The following KMT2C variants were observed in gnomAD, a reference collection of about 807,000 sequenced individuals.
The protein encoded by KMT2C is histone-lysine N-methyltransferase 2C.
Under a neutral mutation model 507.9 loss-of-function variants are expected in KMT2C, and 88 were observed. That is an observed-to-expected ratio of 0.17 (90% CI 0.15 to 0.21). The LOEUF is 0.21. Among genes scored for constraint, KMT2C ranks in the 10% least tolerant of loss-of-function variants. The pLI, the probability that KMT2C is intolerant of heterozygous loss-of-function variation, is 1.00. For synonymous variants in KMT2C, 2,049 were observed against 2,080.8 expected (o/e 0.98, Z 0.42); for missense variants, 4,954 against 5,957.8 (o/e 0.83, Z 5.55).
At position 152,397,700 on chromosome 7, in the gene KMT2C, T is replaced by A. The variant is rs118001704; in HGVS notation, c.161+37926A>T. Among the ~76,000 whole-genome samples, 1,069 of 152,238 alleles carry A rather than the reference T, an allele frequency of 7.0e-3. 5 individuals are homozygous for A. Among genetic ancestry groups the A allele is most frequent in the Non-Finnish European group, 0.011 (762 of 68,012 alleles). ...GTGGAATGGACACAGTGGGAAAGAATTGAATCATAGGGGTGGTTTCCCCAT... is the reference window on the plus strand; with the variant it reads ...GTGGAATGGACACAGTGGGAAAGAAATGAATCATAGGGGTGGTTTCCCCAT... On this transcript the variant is annotated intron_variant, in intron 1 of 58. Transcript: ENST00000262189.
chr7:152,163,889 G>T, intron 42 of KMT2C, 63 bp from the exon 43 acceptor site: 1 of 1,489,220 alleles, frequency 6.7e-7, no homozygotes, highest in Non-Finnish European at 9.3e-7. Context: ...GTAAAACACT[G>T]GCTGATGACT....
intron 3 of KMT2C, 49 bp downstream of exon 3, chr7:152,330,552 G>C (rs538109105): frequency 6.4e-7 from 1 of 1,570,894 alleles, no homozygotes. Context: ...TCATTTCACT[G>C]CTTTATTCCT....
intron 2 of KMT2C, among the ~76,000 whole-genome samples, chr7:152,352,595 T>C (rs2129227051): frequency 6.6e-6 from 1 of 152,306 alleles, no homozygotes; most frequent in South Asian, 2.1e-4. Flanking sequence ...TGTCCCTCTA[T>C]TTCTCAAACC....
intron 6 of KMT2C, among the ~76,000 whole-genome samples, chr7:152,296,212 T>C (rs2096493818): frequency 6.6e-6 from 1 of 151,734 alleles, no homozygotes; most frequent in Non-Finnish European, 1.5e-5. Context: ...GCGGGTCACC[T>C]GAGGTCAGGA....
At chr7:152,227,666 T>G (rs565331722) in intron 18 of KMT2C, among the ~76,000 whole-genome samples, 89 of 152,336 alleles carry the variant, frequency 5.8e-4, no homozygotes, top group Non-Finnish European at 1.0e-3. Flanking sequence ...CAGTGGAATT[T>G]GCAGGACACA....
chr7:152,268,807 A>G (rs1007018260), intron 7 of KMT2C, among the ~76,000 whole-genome samples: 1 of 152,188 alleles, frequency 6.6e-6, no homozygotes, highest in African/African-American at 2.4e-5. Flanking sequence ...TGCTTCTGTG[A>G]AACTTTCTAG....
chr7:152,352,004 A>G (rs2129226693), intron 2 of KMT2C, among the ~76,000 whole-genome samples: 1 of 152,326 alleles, frequency 6.6e-6, no homozygotes, highest in East Asian at 1.9e-4. Context: ...TTGAACTCTG[A>G]CCGCTGGTGA....
intron 7 of KMT2C, among the ~76,000 whole-genome samples, chr7:152,267,863 C>T (rs533198965): frequency 1.1e-4 from 16 of 152,282 alleles, no homozygotes; most frequent in Admixed American, 8.5e-4. Context: ...CTCACTATCT[C>T]GTGGTCATGG....
chr7:152,394,051 C>T (rs1321167640), intron 1 of KMT2C, among the ~76,000 whole-genome samples: 1 of 152,222 alleles, frequency 6.6e-6, no homozygotes, highest in Non-Finnish European at 1.5e-5. Context: ...CATGCCACAT[C>T]CCTCAACAAA....
intron 1 of KMT2C, among the ~76,000 whole-genome samples, chr7:152,377,061 G>A (rs2097334287): frequency 6.6e-6 from 1 of 152,148 alleles, no homozygotes; most frequent in Non-Finnish European, 1.5e-5. Flanking sequence ...TGACTCTCTT[G>A]TTAGGGGCTA....
Position 152,250,070 on chromosome 7 carries a change from C to T in KMT2C, c.1736-117G>A, listed in dbSNP as rs2095539711. On this transcript the variant is annotated intron_variant, in intron 12 of 58. Transcript: ENST00000262189. Reference sequence around the variant, plus strand: ...ACTAAATGTCAATTTCCAATATAAGCATGAAACATTGTACCACTTATTAGT... The same window carrying T: ...ACTAAATGTCAATTTCCAATATAAGTATGAAACATTGTACCACTTATTAGT... The T allele has an allele frequency of 8.0e-6, 5 of 626,098 alleles. No individual in the cohort carries two copies. The East Asian group carries it at 1.4e-4, about 18-fold the overall frequency. 38.8% of individuals were successfully genotyped at this position (626,098 alleles called of 1,614,324 possible). A position where few individuals can be genotyped will look rare whatever the true frequency, so the allele number is the denominator to read the frequency against.
intron 1 of KMT2C, among the ~76,000 whole-genome samples, chr7:152,411,009 A>AAT (rs1554719880): frequency 6.7e-6 from 1 of 148,720 alleles, no homozygotes; most frequent in African/African-American, 2.5e-5. Context: ...TCTCAAAAAA[A>AAT]ATATATATAT....
At position 152,384,548 on chromosome 7, in the gene KMT2C, A is replaced by ACACCACCACTAC. The variant is rs1564068171; in HGVS notation, c.162-25874_162-25873insGTAGTGGTGGTG. Among the ~76,000 whole-genome samples the ACACCACCACTAC allele has an allele frequency of 5.4e-3, 336 of 62,224 alleles. 41 individuals carry two copies. The highest frequency in any genetic ancestry group is 0.019 in the African/African-American group (298 of 16,018). The allele number at this position is 62,224 out of a possible 152,430, so 40.8% of individuals were successfully genotyped here. On this transcript the variant is annotated intron_variant, in intron 1 of 58. Coordinates refer to ENST00000262189, the MANE Select transcript of KMT2C (RefSeq NM_170606.3). ...TGCTATATTATCCCCCATGTGCATA[A>ACACCACCACTAC]CACCACCACCACCACCACCACCACC...
rs200755036 is a variant in KMT2C at position 152,263,091 on chromosome 7, C to G, written c.1224G>C (p.Thr408=). 24 of 1,612,282 alleles carry G rather than the reference C, an allele frequency of 1.5e-5. No individual in the cohort carries two copies. Among genetic ancestry groups the G allele is most frequent in the Non-Finnish European group, 1.9e-5 (23 of 1,179,828 alleles). ...AAAAAGTATGATACCCTTTGTCACACGTATCACACACTAGCATCTTGCTAT... is the reference window on the plus strand; with the variant it reads ...AAAAAGTATGATACCCTTTGTCACAGGTATCACACACTAGCATCTTGCTAT... ...GEDSKMLVCD[T]CDKGYHTFCL... is the part of the protein sequence containing the mutation. The change falls in exon 9 of 59, where the codon ACG becomes ACC. Residue 408 remains threonine, a synonymous_variant. Coordinates refer to ENST00000262189, the MANE Select transcript of KMT2C (RefSeq NM_170606.3).
chr7:152,244,278 G>C (rs1331020002), intron 14 of KMT2C, among the ~76,000 whole-genome samples: 1 of 152,054 alleles, frequency 6.6e-6, no homozygotes, highest in Admixed American at 6.6e-5. Flanking sequence ...TCTAGGGTAG[G>C]GCCATTAGCT....
At position 152,180,852 on chromosome 7, in the gene KMT2C, T is replaced by C. The variant is rs2129119232; in HGVS notation, c.7008A>G (p.Ala2336=). 1 of 1,614,152 alleles carries C rather than the reference T, an allele frequency of 6.2e-7. No individual in the cohort carries two copies. Among genetic ancestry groups the C allele is most frequent in the Non-Finnish European group, 8.5e-7 (1 of 1,180,026 alleles). ...GGGAGTGCATTGGAGAGTTTGAAGA[T>C]GCACAGAAGCTCCCCTCTGATCCAG... ...PRPGSEGSFC[A]SSNSPMHSQG... The change falls in exon 36 of 59, where the codon GCA becomes GCG. Residue 2336 remains alanine, a synonymous_variant. Transcript: ENST00000262189.
intron 1 of KMT2C, among the ~76,000 whole-genome samples, chr7:152,414,021 C>T (rs2097708692): frequency 6.6e-6 from 1 of 151,886 alleles, no homozygotes. Flanking sequence ...ACCAGCCTGA[C>T]CAACATGGTG....
At chr7:152,328,913 G>C (rs1172941310) in intron 3 of KMT2C, among the ~76,000 whole-genome samples, 2 of 152,104 alleles carry the variant, frequency 1.3e-5, no homozygotes, top group African/African-American at 4.8e-5. Flanking sequence ...GCAGATTTGG[G>C]GCAGAGGTGG....
intron 1 of KMT2C, among the ~76,000 whole-genome samples, chr7:152,363,945 T>C (rs891123090): frequency 6.6e-6 from 1 of 152,210 alleles, no homozygotes; most frequent in African/African-American, 2.4e-5. Context: ...TCTAGCCAAC[T>C]GTATTGTCTT....
Sources: gnomAD v4.1 joint callset for allele counts (sites outside exome capture counted in the v4.1 genomes callset) on GRCh38, gnomAD v4.1.1 for gene constraint, MANE v1.5 for transcripts, NCBI Gene and HGNC (gene_info 2026-07-23, HGNC 2026-07-21) for gene names.